Variants in CDH23 observed in about 807,000 individuals in gnomAD.
CDH23 encodes cadherin related 23, also known as cadherin-23.
In CDH23, 189 loss-of-function variants were observed where a neutral mutation model predicts 317.1. That is an observed-to-expected ratio of 0.60 (90% CI 0.53 to 0.67). The LOEUF is 0.67. CDH23 is among the 30% of genes least tolerant of loss of function. The pLI is 0.00. For missense variants in CDH23, 4,401 were observed against 4,592.4 expected (o/e 0.96, Z 1.20); for synonymous variants, 1,839 against 1,876.8 (o/e 0.98, Z 0.52).
At chr10:71,489,725 TG>T (rs1318323593) in intron 3 of CDH23, among the ~76,000 whole-genome samples, 1 of 152,044 alleles carries the variant, frequency 6.6e-6, no homozygotes, top group African/African-American at 2.4e-5. Context: ...AGAGGGAATT[TG>T]TATTTGTTTT....
At chr10:71,569,965 A>G (rs560582399) in intron 7 of CDH23, among the ~76,000 whole-genome samples, 110 of 152,104 alleles carry the variant, frequency 7.2e-4, no homozygotes, top group African/African-American at 2.6e-3. Flanking sequence ...CACAGGTGCA[A>G]TCTTGGTGCA....
rs1589390094 is a variant in CDH23, at chr10:71,741,912, A to C, written c.4836A>C (p.Pro1612=). 16 of 1,598,624 alleles carry C rather than the reference A, an allele frequency of 1.0e-5. No individual in the cohort carries two copies. The highest frequency in any genetic ancestry group is 1.4e-5 in the Non-Finnish European group (16 of 1,172,406). ...CCACTGTGGAGGACGAGGGCACCCC[A>C]ACCCTGTCGGTGAGCGATGGGGGTG... ...LVATVEDEGT[P]TLSATTHVYV... is the part of the protein sequence containing the mutation. Residue 1612 remains proline (P), a synonymous_variant, in exon 38 of 70, where the codon CCA becomes CCC. Transcript: ENST00000224721.
chr10:71,790,478 G>T (rs1047558973), intron 46 of CDH23, 65 bp downstream of exon 46: 2 of 1,577,456 alleles, frequency 1.3e-6, no homozygotes, highest in East Asian at 2.3e-5. Flanking sequence ...CACACTGCTG[G>T]ATTGAGGGCC....
chr10:71,620,354 T>C (rs760508651), intron 11 of CDH23, among the ~76,000 whole-genome samples: 4 of 152,146 alleles, frequency 2.6e-5, no homozygotes, highest in African/African-American at 4.8e-5. Context: ...GTTGTCATCA[T>C]TCAGGAGCCG....
rs74147321 is a variant in CDH23, at chr10:71,553,333, C to T, written c.430-13409C>T. Among the ~76,000 whole-genome samples, 584 of 152,306 alleles carry T rather than the reference C, an allele frequency of 3.8e-3. 6 individuals carry two copies. Among genetic ancestry groups the T allele is most frequent in the African/African-American group, 0.014 (563 of 41,562 alleles). ...AAACCCCCCGGCCCTCACCACCCCT[C>T]AGCTCCTCTGCAGCCCCGTTCGAAC... On this transcript the variant is annotated intron_variant, in intron 6 of 69. Transcript: ENST00000224721.
At chr10:71,776,838 T>A (rs564212317) in intron 38 of CDH23, among the ~76,000 whole-genome samples, 1 of 152,196 alleles carries the variant, frequency 6.6e-6, no homozygotes, top group Non-Finnish European at 1.5e-5. Flanking sequence ...GGGCCTCCCA[T>A]TGGCCACACC....
chr10:71,797,036 G>T, intron 48 of CDH23, 68 bp from the exon 49 acceptor site: 1 of 977,138 alleles, frequency 1.0e-6, no homozygotes, highest in Admixed American at 2.0e-5. Flanking sequence ...TTGGCCAGGA[G>T]CACCCCTGGG....
chr10:71,634,500 C>G (rs1162984117), intron 11 of CDH23, among the ~76,000 whole-genome samples: 1 of 152,184 alleles, frequency 6.6e-6, no homozygotes, highest in African/African-American at 2.4e-5. Flanking sequence ...AATGGCAGAC[C>G]TTGAAGTTGG....
chr10:71,679,505 C>A lies in CDH23; in HGVS notation c.1858+13C>A. 2 of 1,590,820 alleles carry A rather than the reference C, an allele frequency of 1.3e-6. No individual in the cohort carries two copies. The highest frequency in any genetic ancestry group is 3.5e-5 in the Admixed American group (2 of 56,612). ...GAGGGCTATGGAGGTAGGTGTGGGG[C>A]AGAACTCGGGGCCCAGCCAGGAGGA... On this transcript the variant is annotated intron_variant, in intron 17 of 69. Transcript: ENST00000224721.
intron 1 of CDH23, among the ~76,000 whole-genome samples, chr10:71,410,599 C>T (rs1205531994): frequency 2.6e-5 from 4 of 152,218 alleles, no homozygotes; most frequent in African/African-American, 9.6e-5. Context: ...AAGGGCCATG[C>T]TCATGTAACT....
At chr10:71,610,313 C>G (rs754138439) in intron 9 of CDH23, among the ~76,000 whole-genome samples, 19 of 152,188 alleles carry the variant, frequency 1.2e-4, no homozygotes, top group Non-Finnish European at 2.1e-4. Flanking sequence ...CTAGGACTCC[C>G]TCTTGAGGAA....
chr10:71,433,184 C>A (rs1469060723), intron 1 of CDH23, among the ~76,000 whole-genome samples: 4 of 152,296 alleles, frequency 2.6e-5, no homozygotes, highest in East Asian at 3.9e-4. Flanking sequence ...GTGCTGTATG[C>A]GCACACTCCC....
At chr10:71,798,827 T>TTAGTACCA (rs1841478892) in intron 50 of CDH23, among the ~76,000 whole-genome samples, 1 of 152,106 alleles carries the variant, frequency 6.6e-6, no homozygotes, top group African/African-American at 2.4e-5. Context: ...GCTCCTACTA[T>TTAGTACCA]TAGTACCACC....
chr10:71,763,752 G>A (rs1217517940), intron 38 of CDH23, among the ~76,000 whole-genome samples: 1 of 152,232 alleles, frequency 6.6e-6, no homozygotes, highest in Non-Finnish European at 1.5e-5. Context: ...AGTAGTCGGC[G>A]CTTGGTACTT....
In CDH23 at chr10:71,498,029, C is replaced by T. The variant is rs554625929; in HGVS notation, c.146-12053C>T. On this transcript the variant is annotated intron_variant, in intron 3 of 69. Coordinates refer to ENST00000224721, the MANE Select transcript of CDH23 (RefSeq NM_022124.6). ...CATGACCCGGAGGTTGGAGTGGGCA[C>T]ATGAAACTTGACCCATTTGCCAAGA... Among the ~76,000 whole-genome samples, 160 of 152,284 alleles carry T rather than the reference C, an allele frequency of 1.1e-3. 1 individual carries two copies. The highest frequency in any genetic ancestry group is 3.7e-3 in the African/African-American group (152 of 41,560).
In CDH23 at chr10:71,760,020, CAT is replaced by C. The variant is rs1176056853; in HGVS notation, c.4846-17654_4846-17653del. ...ACACATACATATATATACACACACA[CAT>C]ATATACACACACACACATATATACA... On this transcript the variant is annotated intron_variant, in intron 38 of 69. Coordinates refer to ENST00000224721, the MANE Select transcript of CDH23 (RefSeq NM_022124.6). Among the ~76,000 whole-genome samples the C allele has an allele frequency of 3.4e-4, 31 of 91,280 alleles. 3 individuals are homozygous for C. In the East Asian group the frequency reaches 4.1e-3, roughly 12 times the overall value. 59.9% of individuals were successfully genotyped at this position (91,280 alleles called of 152,430 possible). A position where few individuals can be genotyped will look rare whatever the true frequency, so the allele number is the denominator to read the frequency against.
chr10:71,474,322 C>T (rs1038695183), intron 3 of CDH23, among the ~76,000 whole-genome samples: 26 of 152,198 alleles, frequency 1.7e-4, no homozygotes, highest in Admixed American at 8.5e-4. Flanking sequence ...GTCTGGGAGG[C>T]TTCCTTTTTA....
chr10:71,581,131 G>A (rs1858600289), intron 9 of CDH23, among the ~76,000 whole-genome samples: 1 of 152,234 alleles, frequency 6.6e-6, no homozygotes, highest in African/African-American at 2.4e-5. Context: ...CCTGTTTATT[G>A]GAAAGCAGGC....
rs192089265 is a variant in CDH23 at position 71,613,801 on chromosome 10, C to T, written c.833-1703C>T. 4.2e-4 allele frequency among the ~76,000 whole-genome samples: 64 copies of T among 152,302 alleles called. 1 individual carries two copies. In the East Asian group the frequency reaches 0.012, roughly 28 times the overall value. The stretch of plus-strand genomic sequence containing the variant: ...CCACGGTGATTCTGGTGTTCACCTG[C>T]GTGTGTTGAAGGCTTGGGTATTAAT... On this transcript the variant is annotated intron_variant, in intron 9 of 69. Coordinates refer to ENST00000224721, the MANE Select transcript of CDH23 (RefSeq NM_022124.6).
Sources: gnomAD v4.1 joint callset for allele counts (sites outside exome capture counted in the v4.1 genomes callset) on GRCh38, gnomAD v4.1.1 for gene constraint, MANE v1.5 for transcripts, NCBI Gene and HGNC (gene_info 2026-07-23, HGNC 2026-07-21) for gene names.